The following DLG1 variants were observed in gnomAD, a reference collection of about 807,000 sequenced individuals.
DLG1 encodes the protein discs large MAGUK scaffold protein 1.
A neutral mutation model predicts 123.4 loss-of-function variants in DLG1; 42 were observed. That is an observed-to-expected ratio of 0.34 (90% CI 0.27 to 0.44). The LOEUF (loss-of-function observed/expected upper bound fraction) is 0.44, where lower values mean the gene tolerates loss of function less well. DLG1 is among the 20% of genes least tolerant of loss of function. DLG1 has a pLI of 1.00. For synonymous variants in DLG1, 317 were observed against 356.2 expected (o/e 0.89, Z 1.24); for missense variants, 942 against 1,082.6 (o/e 0.87, Z 1.82).
chr3:197,294,232 C>T (rs1776283587), intron 3 of DLG1, among the ~76,000 whole-genome samples: 1 of 152,126 alleles, frequency 6.6e-6, no homozygotes, highest in South Asian at 2.1e-4. Flanking sequence ...ACTTGTCTTA[C>T]ACCAAAATGT....
intron 24 of DLG1, among the ~76,000 whole-genome samples, chr3:197,047,517 A>G (rs1228736208): frequency 2.1e-5 from 3 of 145,516 alleles, no homozygotes; most frequent in Non-Finnish European, 3.0e-5. Flanking sequence ...TAACAACAAC[A>G]AAAATGTCCA....
chr3:197,107,635 AT>A (rs1301436966), intron 13 of DLG1, among the ~76,000 whole-genome samples: 1 of 151,446 alleles, frequency 6.6e-6, no homozygotes, highest in African/African-American at 2.4e-5. Flanking sequence ...TAAGTATTTT[AT>A]TCTTTTTGAT....
chr3:197,053,559 G>C (rs1374934778), intron 23 of DLG1, among the ~76,000 whole-genome samples: 2 of 151,438 alleles, frequency 1.3e-5, no homozygotes, highest in Non-Finnish European at 2.9e-5. Context: ...ATCACCTGAG[G>C]TCAGGACTTC....
At chr3:197,107,737 A>T (rs1767405804) in intron 13 of DLG1, among the ~76,000 whole-genome samples, 1 of 150,110 alleles carries the variant, frequency 6.7e-6, no homozygotes, top group Non-Finnish European at 1.5e-5. Context: ...ATTTCTTAAG[A>T]TTTTTTCTAT....
intron 4 of DLG1, among the ~76,000 whole-genome samples, chr3:197,247,546 C>T (rs1040014559): frequency 1.3e-5 from 2 of 152,070 alleles, no homozygotes; most frequent in Non-Finnish European, 2.9e-5. Flanking sequence ...AAACGGGACT[C>T]TTGTCATTGA....
At position 197,158,696 on chromosome 3, in the gene DLG1, C is replaced by CTATACCTT. The variant is rs1797538415; in HGVS notation, c.484-8901_484-8900insAAGGTATA. On this transcript the variant is annotated intron_variant, in intron 5 of 24. Coordinates refer to ENST00000667157, the MANE Select transcript of DLG1 (RefSeq NM_001366207.1). The stretch of plus-strand genomic sequence containing the variant: ...ATGATGCTCTGCTCTGGACATACCT[C>CTATACCTT]TAAGGTAATTACTCTCACATTATGC... 2.1e-5 allele frequency among the ~76,000 whole-genome samples: 3 copies of CTATACCTT among 143,136 alleles called. 1 individual carries two copies. In the South Asian group the frequency reaches 6.8e-4, roughly 32 times the overall value. 93.9% of individuals were successfully genotyped at this position (143,136 alleles called of 152,430 possible).
intron 23 of DLG1, among the ~76,000 whole-genome samples, chr3:197,052,550 G>A (rs1728639243): frequency 6.6e-6 from 1 of 152,166 alleles, no homozygotes; most frequent in Admixed American, 6.5e-5. Context: ...GAATGACAGA[G>A]GGTTTTAACA....
chr3:197,207,185 C>T (rs946089738), intron 4 of DLG1, among the ~76,000 whole-genome samples: 2 of 152,186 alleles, frequency 1.3e-5, no homozygotes, highest in Non-Finnish European at 2.9e-5. Context: ...CAAAGTTTGT[C>T]CTTCACGCAA....
chr3:197,192,208 T>C (rs996959899), intron 5 of DLG1, among the ~76,000 whole-genome samples: 1 of 151,772 alleles, frequency 6.6e-6, no homozygotes, highest in African/African-American at 2.4e-5. Context: ...ATGGAAGGAA[T>C]AGTCTCTAAT....
chr3:197,205,386 C>G (rs1727988286), intron 4 of DLG1, among the ~76,000 whole-genome samples: 2 of 152,054 alleles, frequency 1.3e-5, no homozygotes, highest in African/African-American at 4.8e-5. Context: ...AATGTAAATA[C>G]AAAGTTCCAA....
intron 1 of DLG1, 81 bp downstream of exon 1, chr3:197,298,455 C>G: frequency 2.5e-6 from 1 of 398,800 alleles, no homozygotes; most frequent in East Asian, 3.6e-5. Flanking sequence ...CAGTTCCGAA[C>G]TAAACGCGCC....
At chr3:197,206,077 T>G (rs1728361735) in intron 4 of DLG1, among the ~76,000 whole-genome samples, 1 of 152,188 alleles carries the variant, frequency 6.6e-6, no homozygotes, top group African/African-American at 2.4e-5. Context: ...TTGCCATGTA[T>G]TCACAGGTTC....
At chr3:197,114,822 A>C (rs1772207562) in intron 13 of DLG1, among the ~76,000 whole-genome samples, 1 of 152,030 alleles carries the variant, frequency 6.6e-6, no homozygotes, top group Admixed American at 6.6e-5. Flanking sequence ...CTCTAAAAAT[A>C]CAAAAAAATT....
intron 5 of DLG1, among the ~76,000 whole-genome samples, chr3:197,174,347 TAAA>T (rs1353847002): frequency 6.6e-6 from 1 of 152,128 alleles, no homozygotes; most frequent in African/African-American, 2.4e-5. Context: ...AGCGACAATT[TAAA>T]AAACAAGGAA....
chr3:197,240,786 T>G (rs1157179293), intron 4 of DLG1, among the ~76,000 whole-genome samples: 1 of 152,054 alleles, frequency 6.6e-6, no homozygotes, highest in Non-Finnish European at 1.5e-5. Flanking sequence ...ACTGATTCAT[T>G]AGAGGCTCTT....
intron 14 of DLG1, among the ~76,000 whole-genome samples, chr3:197,098,686 C>A (rs995007890): frequency 6.6e-6 from 1 of 152,088 alleles, no homozygotes; most frequent in Non-Finnish European, 1.5e-5. Context: ...AGGTATGTAC[C>A]ACCATGCCTG....
Position 197,194,589 on chromosome 3 carries a change from T to C in DLG1, c.319A>G (p.Lys107Glu), listed in dbSNP as rs1218460472. ...GTATCTTCATCCTGATACCTGTATT[T>C]CTGTAAAGAAAATAAACATGAAGAA... Reference protein sequence around the residue: ...LPSSLSPSVEKYRYQDEDTPP... With the variant: ...LPSSLSPSVEEYRYQDEDTPP... Residue 107 changes from lysine (K) to glutamate (E), a missense_variant and splice_region_variant, in exon 5 of 25, where the codon AAA becomes GAA. By Grantham distance (56) the Lys-to-Glu change is moderately conservative. Coordinates refer to ENST00000667157, the MANE Select transcript of DLG1 (RefSeq NM_001366207.1). 1.3e-6 allele frequency: 2 copies of C among 1,576,700 alleles called. No individual in the cohort carries two copies. The highest frequency in any genetic ancestry group is 2.4e-5 in the South Asian group (2 of 82,242).
At chr3:197,228,337 T>C (rs970471047) in intron 4 of DLG1, among the ~76,000 whole-genome samples, 9 of 152,234 alleles carry the variant, frequency 5.9e-5, no homozygotes, top group African/African-American at 2.2e-4. Context: ...AGCACATTAT[T>C]TGGCACATGT....
rs766907125 is a variant in DLG1 at position 197,282,788 on chromosome 3, G to A, written c.209C>T (p.Ser70Leu). The A allele has an allele frequency of 1.2e-6, 2 of 1,609,956 alleles. No individual in the cohort carries two copies. ...LLDNPKCIDR[S>L]KPSEPIQPVN... ...AGGTTGAATTGGTTCAGACGGCTTT[G>A]AACGATCTATACATTTTGGATTATC... Residue 70 changes from serine to leucine, a missense_variant, in exon 4 of 25, where the codon TCA becomes TTA. Physicochemically the swap from Ser to Leu is moderately radical, Grantham distance 145 (BLOSUM62 -2). Coordinates refer to ENST00000667157, the MANE Select transcript of DLG1 (RefSeq NM_001366207.1).
Sources: allele counts gnomAD v4.1 joint callset (sites outside exome capture counted in the v4.1 genomes callset), GRCh38; gene constraint gnomAD v4.1.1; transcripts MANE v1.5; gene names NCBI Gene and HGNC (gene_info 2026-07-23, HGNC 2026-07-21).